SMARCC1: variants seen among roughly 807,000 people sequenced by gnomAD.
The protein encoded by SMARCC1 is SWI/SNF complex subunit SMARCC1.
Under a neutral mutation model 147.4 loss-of-function variants are expected in SMARCC1, and 43 were observed. The observed-to-expected ratio is 0.29, with a 90% CI of 0.23 to 0.38. The LOEUF (loss-of-function observed/expected upper bound fraction) is 0.38. SMARCC1 is among the 10% of genes least tolerant of loss of function. The pLI, the probability that SMARCC1 is intolerant of heterozygous loss-of-function variation, is 1.00. For synonymous variants in SMARCC1, 495 were observed against 484.4 expected (o/e 1.02, Z -0.29); for missense variants, 1,119 against 1,381.1 (o/e 0.81, Z 3.01).
In SMARCC1 at chr3:47,733,308, C is replaced by T. The variant is rs958722684; in HGVS notation, c.576+2726G>A. 7.3e-5 allele frequency among the ~76,000 whole-genome samples: 11 copies of T among 150,696 alleles called. No homozygotes were observed. The East Asian group carries it at 8.1e-4, about 11-fold the overall frequency. On this transcript the variant is annotated intron_variant, in intron 5 of 27. Coordinates refer to ENST00000254480, the MANE Select transcript of SMARCC1 (RefSeq NM_003074.4). ...GGGTGGTGCTGCAGGGCGGGTTCTG[C>T]GGCTCACGCCTGCAATCCCAGCACT...
chr3:47,762,566 T>G (rs949336781), intron 2 of SMARCC1, among the ~76,000 whole-genome samples: 4 of 152,256 alleles, frequency 2.6e-5, no homozygotes, highest in Non-Finnish European at 4.4e-5. Context: ...GACAACATTT[T>G]ATGCTCAACG....
intron 25 of SMARCC1, among the ~76,000 whole-genome samples, chr3:47,613,672 T>G (rs2032596057): frequency 1.3e-5 from 2 of 152,190 alleles, no homozygotes; most frequent in East Asian, 3.9e-4. Context: ...TATTTATGAT[T>G]TGAAAATTTA....
chr3:47,702,102 T>C (rs2033925336), intron 10 of SMARCC1, among the ~76,000 whole-genome samples: 1 of 152,034 alleles, frequency 6.6e-6, no homozygotes, highest in Admixed American at 6.6e-5. Flanking sequence ...ATCATCCAAA[T>C]ATCAGGAACT....
chr3:47,663,608 C>T (rs943652877), intron 19 of SMARCC1: 90 of 1,493,340 alleles, frequency 6.0e-5, no homozygotes, highest in Non-Finnish European at 8.0e-5. Context: ...GCTGCTGTGG[C>T]CCAGACATGG....
At chr3:47,738,355 T>C (rs1359611199) in intron 3 of SMARCC1, among the ~76,000 whole-genome samples, 2 of 152,214 alleles carry the variant, frequency 1.3e-5, no homozygotes, top group East Asian at 3.9e-4. Context: ...CTAATTTTCC[T>C]TAAATCTAAG....
At chr3:47,692,629 G>T (rs1243910795) in intron 12 of SMARCC1, among the ~76,000 whole-genome samples, 1 of 152,168 alleles carries the variant, frequency 6.6e-6, no homozygotes, top group Non-Finnish European at 1.5e-5. Context: ...TGGATCACAG[G>T]AAATTAACTC....
chr3:47,775,869 C>T (rs541700108), intron 1 of SMARCC1, among the ~76,000 whole-genome samples: 6 of 151,886 alleles, frequency 4.0e-5, no homozygotes, highest in Middle Eastern at 3.4e-3. Context: ...AAACTCTGGC[C>T]GGATGCAGTG....
chr3:47,619,096 C>T (rs746067968), intron 25 of SMARCC1, among the ~76,000 whole-genome samples: 1 of 152,148 alleles, frequency 6.6e-6, no homozygotes, highest in Non-Finnish European at 1.5e-5. Flanking sequence ...CCTAAAGCTC[C>T]GCCTGTAGGA....
chr3:47,745,265 AAAAC>A (rs200378827), intron 3 of SMARCC1, among the ~76,000 whole-genome samples: 15 of 152,330 alleles, frequency 9.8e-5, no homozygotes, highest in East Asian at 7.7e-4. Flanking sequence ...TCAAAAAAAC[AAAAC>A]AAACAAACAA....
intron 2 of SMARCC1, among the ~76,000 whole-genome samples, chr3:47,770,611 A>G (rs566265453): frequency 4.6e-5 from 7 of 152,132 alleles, no homozygotes; most frequent in African/African-American, 9.7e-5. Flanking sequence ...CAACACAGCA[A>G]GACTTTGACT....
Position 47,663,724 on chromosome 3 carries a change from A to G in SMARCC1, c.1900-1132T>C, listed in dbSNP as rs1260868322. On this transcript the variant is annotated intron_variant, in intron 19 of 27. Transcript: ENST00000254480. ...ACAGGAATCCAGAGAGTTTCAAGGA[A>G]AAGTTCCTTCACAAGACCCACGAGA... 2.0e-6 allele frequency: 3 copies of G among 1,507,228 alleles called. No individual in the cohort carries two copies. The African/African-American group carries it at 4.1e-5, about 21-fold the overall frequency. The allele number at this position is 1,507,228 out of a possible 1,614,324, so 93.4% of individuals were successfully genotyped here. A position where few individuals can be genotyped will look rare whatever the true frequency, so the allele number is the denominator to read the frequency against.
intron 26 of SMARCC1, among the ~76,000 whole-genome samples, chr3:47,609,009 T>C (rs895067835): frequency 6.6e-6 from 1 of 152,092 alleles, no homozygotes; most frequent in Non-Finnish European, 1.5e-5. Context: ...GGAAAAACCC[T>C]GGTTTCTTCA....
rs76672170 is a variant in SMARCC1, at chr3:47,674,688, C to T, written c.1839+787G>A. ...CAGTAGAGGCAAGGCTGCTCTTGAA[C>T]TCCTGGCCTCAGACAACCCTACTGC... On this transcript the variant is annotated intron_variant, in intron 18 of 27. Coordinates refer to ENST00000254480, the MANE Select transcript of SMARCC1 (RefSeq NM_003074.4). Among the ~76,000 whole-genome samples, 603 of 152,270 alleles carry T rather than the reference C, an allele frequency of 4.0e-3. 5 individuals carry two copies. The highest frequency in any genetic ancestry group is 0.013 in the African/African-American group (547 of 41,548).
intron 19 of SMARCC1, among the ~76,000 whole-genome samples, chr3:47,667,179 A>C (rs1576404755): frequency 6.6e-6 from 1 of 152,028 alleles, no homozygotes; most frequent in South Asian, 2.1e-4. Flanking sequence ...TTAGCCGGGC[A>C]TGGTGGCAGG....
chr3:47,764,841 T>A (rs894344166), intron 2 of SMARCC1, among the ~76,000 whole-genome samples: 3 of 152,226 alleles, frequency 2.0e-5, no homozygotes, highest in African/African-American at 7.2e-5. Flanking sequence ...AATTATTTCC[T>A]ACATGGCCCC....
chr3:47,698,891 T>C (rs2033885808), intron 11 of SMARCC1, among the ~76,000 whole-genome samples: 1 of 152,050 alleles, frequency 6.6e-6, no homozygotes, highest in Non-Finnish European at 1.5e-5. Context: ...TGTAGACATG[T>C]GTGATGATTT....
At chr3:47,763,139 CCTT>C (rs2034793942) in intron 2 of SMARCC1, among the ~76,000 whole-genome samples, 1 of 151,714 alleles carries the variant, frequency 6.6e-6, no homozygotes, top group African/African-American at 2.4e-5. Flanking sequence ...CAATGCATCT[CCTT>C]CTTCAACAGT....
chr3:47,682,705 AAT>A (rs1173376845), intron 14 of SMARCC1, among the ~76,000 whole-genome samples: 1 of 152,228 alleles, frequency 6.6e-6, no homozygotes, highest in Non-Finnish European at 1.5e-5. Context: ...ATAAAGATAG[AAT>A]ATGTTTTTTA....
intron 1 of SMARCC1, among the ~76,000 whole-genome samples, chr3:47,774,173 G>A (rs1436248640): frequency 6.6e-6 from 1 of 151,560 alleles, no homozygotes; most frequent in Non-Finnish European, 1.5e-5. Context: ...TAGGACAAAG[G>A]GCACACAATT....
Sources: allele counts gnomAD v4.1 joint callset (sites outside exome capture counted in the v4.1 genomes callset), GRCh38; gene constraint gnomAD v4.1.1; transcripts MANE v1.5; gene names NCBI Gene and HGNC (gene_info 2026-07-23, HGNC 2026-07-21).